Variants in SCFD2 observed in about 807,000 individuals in gnomAD.
The protein encoded by SCFD2 is sec1 family domain containing 2.
A neutral mutation model predicts 58.9 loss-of-function variants in SCFD2; 54 were observed. The ratio of observed to expected loss-of-function variants is 0.92; its 90% CI spans 0.74 to 1.15. SCFD2 has a LOEUF of 1.15. SCFD2 is among the 50% of genes most tolerant of loss of function. The pLI, the probability that SCFD2 is intolerant of heterozygous loss-of-function variation, is 0.00. For missense variants in SCFD2, 805 were observed against 836.6 expected (o/e 0.96, Z 0.47); for synonymous variants, 321 against 335.9 (o/e 0.96, Z 0.49).
intron 5 of SCFD2, among the ~76,000 whole-genome samples, chr4:53,129,800 T>C (rs1241149862): frequency 6.6e-6 from 1 of 152,248 alleles, no homozygotes; most frequent in Non-Finnish European, 1.5e-5. Context: ...GTTGACAGTA[T>C]ATCCATGCCT....
intron 5 of SCFD2, among the ~76,000 whole-genome samples, chr4:53,034,670 T>A (rs1722711319): frequency 6.6e-6 from 1 of 152,188 alleles, no homozygotes; most frequent in Admixed American, 6.5e-5. Context: ...AGCATTCCTA[T>A]ACACCAATAA....
chr4:53,094,859 A>C (rs1340296773), intron 5 of SCFD2, among the ~76,000 whole-genome samples: 1 of 152,042 alleles, frequency 6.6e-6, no homozygotes, highest in Non-Finnish European at 1.5e-5. Context: ...CATTCCAACA[A>C]AGCTTTTGCC....
intron 4 of SCFD2, among the ~76,000 whole-genome samples, chr4:53,194,525 G>C (rs576888813): frequency 1.2e-4 from 19 of 152,186 alleles, no homozygotes; most frequent in African/African-American, 3.9e-4. Context: ...GATGAACATA[G>C]ATCAAATTTC....
chr4:53,011,933 G>T (rs1722101563), intron 5 of SCFD2, among the ~76,000 whole-genome samples: 2 of 151,516 alleles, frequency 1.3e-5, no homozygotes, highest in African/African-American at 4.9e-5. Context: ...GAGAGGAAAA[G>T]GTTCTGGGAA....
At chr4:53,275,871 T>C (rs996364427) in intron 3 of SCFD2, among the ~76,000 whole-genome samples, 1 of 152,216 alleles carries the variant, frequency 6.6e-6, no homozygotes, top group African/African-American at 2.4e-5. Flanking sequence ...TGCTCTTTTT[T>C]CTTGCTGAGT....
At chr4:53,362,398 T>A (rs1734571366) in intron 1 of SCFD2, among the ~76,000 whole-genome samples, 1 of 152,158 alleles carries the variant, frequency 6.6e-6, no homozygotes, top group African/African-American at 2.4e-5. Context: ...AGCAAGTAAA[T>A]GATATGTCAT....
rs200783804 is a variant in SCFD2 at position 52,920,675 on chromosome 4, T to A, written c.1707+50A>T. On this transcript the variant is annotated intron_variant, in intron 6 of 8. Coordinates refer to ENST00000401642, the MANE Select transcript of SCFD2 (RefSeq NM_152540.4). ...AACCTTTTCTTCTATAGACTCTGAA[T>A]CCTAGAAGTACAACAGATTAGAAGG... The A allele has an allele frequency of 5.9e-6, 8 of 1,367,198 alleles. No homozygotes were observed. In the African/African-American group the frequency reaches 6.0e-5, roughly 10 times the overall value. 84.7% of individuals were successfully genotyped at this position (1,367,198 alleles called of 1,614,324 possible).
intron 5 of SCFD2, among the ~76,000 whole-genome samples, chr4:53,007,187 G>A (rs141726161): frequency 5.4e-4 from 82 of 151,746 alleles, no homozygotes; most frequent in African/African-American, 1.9e-3. Flanking sequence ...AGGCTGAGGG[G>A]AGGATTGCTT....
At chr4:53,097,282 T>C (rs1201193762) in intron 5 of SCFD2, among the ~76,000 whole-genome samples, 2 of 152,210 alleles carry the variant, frequency 1.3e-5, no homozygotes, top group South Asian at 2.1e-4. Context: ...GGGGATGGCA[T>C]TGAATCTATA....
rs1333410029 is a variant in SCFD2 at position 53,237,381 on chromosome 4, G to A, written c.1311+36445C>T. 6.6e-5 allele frequency among the ~76,000 whole-genome samples: 10 copies of A among 151,258 alleles called. 1 individual carries two copies. The highest frequency in any genetic ancestry group is 5.9e-4 in the East Asian group (3 of 5,110). On this transcript the variant is annotated intron_variant, in intron 4 of 8. Transcript: ENST00000401642. ...ACACCTCCCAGACGGGGTGGTGGCC[G>A]GGCAGACGGGCTCCTCACTTCCCAG...
intron 4 of SCFD2, among the ~76,000 whole-genome samples, chr4:53,226,898 C>T (rs1729234132): frequency 6.6e-6 from 1 of 152,228 alleles, no homozygotes; most frequent in Non-Finnish European, 1.5e-5. Flanking sequence ...ATTTTTAACA[C>T]TCTTGTACAG....
At chr4:52,983,020 A>G (rs142822601) in intron 5 of SCFD2, among the ~76,000 whole-genome samples, 8 of 152,172 alleles carry the variant, frequency 5.3e-5, no homozygotes, top group Admixed American at 6.5e-5. Flanking sequence ...TTGAGTTCCA[A>G]TGTGAACTAC....
At chr4:52,893,017 T>C (rs142031781) in intron 7 of SCFD2, among the ~76,000 whole-genome samples, 151 of 152,328 alleles carry the variant, frequency 9.9e-4, no homozygotes, top group Middle Eastern at 3.4e-3. Flanking sequence ...TGGAGTATGA[T>C]TAAGAAAAAG....
intron 5 of SCFD2, among the ~76,000 whole-genome samples, chr4:53,116,070 A>G (rs921076319): frequency 2.0e-5 from 3 of 152,216 alleles, no homozygotes; most frequent in African/African-American, 7.2e-5. Context: ...GGATTCGTTC[A>G]GAAATTGGGA....
rs113492027 is a variant in SCFD2, at chr4:53,143,795, T to TACACACACACAC, written c.1561+1526_1561+1537dup. ...GAAGAAGTCTTCATACACCTAAACA[T>TACACACACACAC]ACACACACACACACACACACACACA... is the stretch of plus-strand genomic sequence containing the variant. On this transcript the variant is annotated intron_variant, in intron 5 of 8. Coordinates refer to ENST00000401642, the MANE Select transcript of SCFD2 (RefSeq NM_152540.4). Among the ~76,000 whole-genome samples, 109 of 146,656 alleles carry TACACACACACAC rather than the reference T, an allele frequency of 7.4e-4. 1 individual carries two copies. The East Asian group carries it at 0.018, about 24-fold the overall frequency.
At position 53,214,834 on chromosome 4, in the gene SCFD2, A is replaced by G. The variant is rs1427811075; in HGVS notation, c.1311+58992T>C. 1.9e-4 allele frequency among the ~76,000 whole-genome samples: 29 copies of G among 152,094 alleles called. 1 individual carries two copies. The South Asian group carries it at 3.9e-3, about 21-fold the overall frequency. ...CACCTTGAATTAATTTTTGTATAAGATGTAAGGAAGGGATCCAGTTTCAGC... is the reference window on the plus strand; with the variant it reads ...CACCTTGAATTAATTTTTGTATAAGGTGTAAGGAAGGGATCCAGTTTCAGC... On this transcript the variant is annotated intron_variant, in intron 4 of 8. Transcript: ENST00000401642.
At chr4:52,927,413 C>T (rs1719889279) in intron 5 of SCFD2, among the ~76,000 whole-genome samples, 1 of 151,990 alleles carries the variant, frequency 6.6e-6, no homozygotes, top group Non-Finnish European at 1.5e-5. Flanking sequence ...AAAGTGGAAC[C>T]AGAAGTTAAA....
intron 5 of SCFD2, among the ~76,000 whole-genome samples, chr4:53,049,382 C>T (rs1289402526): frequency 6.6e-6 from 1 of 152,218 alleles, no homozygotes; most frequent in African/African-American, 2.4e-5. Flanking sequence ...ACAGTAACAA[C>T]AAACAGTGGT....
intron 5 of SCFD2, among the ~76,000 whole-genome samples, chr4:52,933,945 T>C (rs1464878053): frequency 6.6e-6 from 1 of 152,164 alleles, no homozygotes; most frequent in Admixed American, 6.5e-5. Context: ...TGTGCTTGCT[T>C]TCTCCTGCTG....
Sources: gnomAD v4.1 joint callset for allele counts (sites outside exome capture counted in the v4.1 genomes callset) on GRCh38, gnomAD v4.1.1 for gene constraint, MANE v1.5 for transcripts, NCBI Gene and HGNC (gene_info 2026-07-23, HGNC 2026-07-21) for gene names.